The following DOCK1 variants were observed in gnomAD, a reference collection of about 807,000 sequenced individuals.
The protein encoded by DOCK1 is dedicator of cytokinesis protein 1.
DOCK1 carries 138 observed loss-of-function variants against 262.7 expected under a neutral mutation model. The ratio of observed to expected loss-of-function variants is 0.53; its 90% CI spans 0.46 to 0.61. The LOEUF (loss-of-function observed/expected upper bound fraction) is 0.61, where lower values mean the gene tolerates loss of function less well. Ranked by LOEUF, DOCK1 falls within the 20% of genes least tolerant of loss-of-function variation. DOCK1 has a pLI of 0.00. For synonymous variants in DOCK1, 866 were observed against 867.4 expected (o/e 1.00, Z 0.03); for missense variants, 1,908 against 2,370.7 (o/e 0.80, Z 4.05).
At chr10:127,271,315 A>G (rs948249841) in intron 29 of DOCK1, among the ~76,000 whole-genome samples, 5 of 152,188 alleles carry the variant, frequency 3.3e-5, no homozygotes, top group Non-Finnish European at 7.3e-5. Context: ...AAAACCAAAC[A>G]TGCAATTCCA....
chr10:127,385,819 C>T (rs1347849072), intron 38 of DOCK1, among the ~76,000 whole-genome samples: 1 of 152,198 alleles, frequency 6.6e-6, no homozygotes, highest in African/African-American at 2.4e-5. Context: ...GCTCCAAGCC[C>T]TTCCTCCGTC....
At chr10:127,322,786 AG>A (rs2062591058) in intron 29 of DOCK1, among the ~76,000 whole-genome samples, 1 of 152,252 alleles carries the variant, frequency 6.6e-6, no homozygotes, top group South Asian at 2.1e-4. Context: ...TAGTGAATGC[AG>A]AAGAGACCAT....
intron 25 of DOCK1, among the ~76,000 whole-genome samples, chr10:127,111,644 A>C (rs1263539650): frequency 6.6e-6 from 1 of 152,190 alleles, no homozygotes; most frequent in African/African-American, 2.4e-5. Flanking sequence ...TTCCTCCTAC[A>C]GTGAATAAGC....
chr10:127,191,923 T>C (rs1042074399), intron 27 of DOCK1, among the ~76,000 whole-genome samples: 2 of 152,248 alleles, frequency 1.3e-5, no homozygotes, highest in Non-Finnish European at 2.9e-5. Context: ...CAGCATTCCG[T>C]AGCCTCCTTC....
chr10:127,447,601 C>T (rs990467187), intron 51 of DOCK1, 56 bp downstream of exon 51: 106 of 1,590,700 alleles, frequency 6.7e-5, no homozygotes, highest in Middle Eastern at 1.7e-4. Context: ...CAAAGTAGGA[C>T]GAGTCCCTCA....
At chr10:127,131,827 T>C (rs2050345082) in intron 27 of DOCK1, among the ~76,000 whole-genome samples, 1 of 152,232 alleles carries the variant, frequency 6.6e-6, no homozygotes, top group South Asian at 2.1e-4. Flanking sequence ...CATTCCATTA[T>C]ATCTTAGAGA....
chr10:127,340,436 T>A (rs905253122), intron 30 of DOCK1, among the ~76,000 whole-genome samples: 1 of 152,186 alleles, frequency 6.6e-6, no homozygotes, highest in African/African-American at 2.4e-5. Context: ...TCATACCCTG[T>A]GTTTTTCAGC....
At position 127,413,931 on chromosome 10, in the gene DOCK1, A is replaced by T. The variant is rs1318160469; in HGVS notation, c.4429-1221A>T. Among the ~76,000 whole-genome samples the T allele has an allele frequency of 2.9e-5, 4 of 139,790 alleles. No individual in the cohort carries two copies. In the East Asian group the frequency reaches 8.3e-4, roughly 29 times the overall value. 91.7% of individuals were successfully genotyped at this position (139,790 alleles called of 152,430 possible). On this transcript the variant is annotated intron_variant, in intron 43 of 51. Coordinates refer to ENST00000623213, the MANE Select transcript of DOCK1 (RefSeq NM_001290223.2). ...GTTTTCTGAAAATTTTTTTTTTTTG[A>T]GAGAGAGTCTTGCTCTGTTGCCTAG...
intron 35 of DOCK1, among the ~76,000 whole-genome samples, chr10:127,376,499 G>A (rs1361653041): frequency 1.3e-5 from 2 of 152,188 alleles, no homozygotes; most frequent in Non-Finnish European, 1.5e-5. Flanking sequence ...AGGTCAGTTG[G>A]TCTGATCTTA....
At chr10:127,165,595 G>A (rs75696776) in intron 27 of DOCK1, among the ~76,000 whole-genome samples, 2,856 of 152,080 alleles carry the variant, frequency 0.019, 79 homozygotes, top group African/African-American at 0.061. Context: ...ATATTGCATT[G>A]CAAACAATGC....
At chr10:126,963,519 C>T (rs1168798765) in intron 1 of DOCK1, among the ~76,000 whole-genome samples, 1 of 151,216 alleles carries the variant, frequency 6.6e-6, no homozygotes, top group East Asian at 2.0e-4. Flanking sequence ...TAAGAAACTT[C>T]CTTCCCTCTC....
chr10:127,082,395 A>G (rs933152059), intron 23 of DOCK1, among the ~76,000 whole-genome samples: 2 of 152,196 alleles, frequency 1.3e-5, no homozygotes, highest in Admixed American at 1.3e-4. Context: ...TCACAGTTCC[A>G]CATGGCTGGG....
At position 126,955,495 on chromosome 10, in the gene DOCK1, TG is replaced by T. The variant is rs2036657550; in HGVS notation, c.47-15204del. On this transcript the variant is annotated intron_variant, in intron 1 of 51. Transcript: ENST00000623213. ...GTGAACATTTTGTAGCCAGTCCTGC[TG>T]GGAACTGATGCAGCCTGGGTGTTCT... Among the ~76,000 whole-genome samples the T allele has an allele frequency of 2.0e-5, 3 of 152,182 alleles. No individual in the cohort carries two copies. In the South Asian group the frequency reaches 6.2e-4, roughly 32 times the overall value.
chr10:127,194,323 A>T (rs1003287719), intron 27 of DOCK1, among the ~76,000 whole-genome samples: 1 of 152,248 alleles, frequency 6.6e-6, no homozygotes, highest in Non-Finnish European at 1.5e-5. Flanking sequence ...ATGGATAGTA[A>T]ATGATTAATA....
At chr10:127,258,916 T>G in intron 29 of DOCK1, among the ~76,000 whole-genome samples, 1 of 152,200 alleles carries the variant, frequency 6.6e-6, no homozygotes, top group East Asian at 1.9e-4. Context: ...CTTCGACAAA[T>G]CCAAAGCAGC....
At chr10:127,096,882 G>A (rs1247758394) in intron 23 of DOCK1, among the ~76,000 whole-genome samples, 1 of 152,042 alleles carries the variant, frequency 6.6e-6, no homozygotes, top group Non-Finnish European at 1.5e-5. Context: ...CAAGACAGGT[G>A]GATCACGAGG....
chr10:127,306,097 C>G (rs989807118), intron 29 of DOCK1, among the ~76,000 whole-genome samples: 7 of 151,500 alleles, frequency 4.6e-5, no homozygotes, highest in African/African-American at 1.7e-4. Context: ...TTACTGCAAC[C>G]TCCGCCTCCC....
chr10:127,111,985 G>A (rs1353606468), intron 25 of DOCK1, among the ~76,000 whole-genome samples: 2 of 151,900 alleles, frequency 1.3e-5, no homozygotes, highest in Non-Finnish European at 1.5e-5. Flanking sequence ...CTTTGAATAA[G>A]GATGTAAGCC....
intron 18 of DOCK1, among the ~76,000 whole-genome samples, 197 bp downstream of exon 18, chr10:127,032,517 C>T (rs2043309399): frequency 6.6e-6 from 1 of 152,156 alleles, no homozygotes; most frequent in South Asian, 2.1e-4. Flanking sequence ...AAAATTCACA[C>T]TTCTACTCTG....
Sources: allele counts gnomAD v4.1 joint callset (sites outside exome capture counted in the v4.1 genomes callset), GRCh38; gene constraint gnomAD v4.1.1; transcripts MANE v1.5; gene names NCBI Gene and HGNC (gene_info 2026-07-23, HGNC 2026-07-21).